DGKB: variants seen among roughly 807,000 people sequenced by gnomAD.
DGKB encodes the protein diacylglycerol kinase beta.
Under a neutral mutation model 114.3 loss-of-function variants are expected in DGKB, and 67 were observed. The observed-to-expected ratio is 0.59, with a 90% confidence interval of 0.48 to 0.72. DGKB has a LOEUF of 0.72. Ranked by LOEUF, DGKB falls within the 30% of genes least tolerant of loss-of-function variation. The pLI is 0.00. For synonymous variants in DGKB, 398 were observed against 323.1 expected (o/e 1.23, Z -2.49); for missense variants, 907 against 975.2 (o/e 0.93, Z 0.93).
At position 14,392,989 on chromosome 7, in the gene DGKB, G is replaced by GTTTTTTTTTT. The variant is rs776845811; in HGVS notation, c.1836-47599_1836-47598insAAAAAAAAAA. Among the ~76,000 whole-genome samples the GTTTTTTTTTT allele has an allele frequency of 4.9e-3, 50 of 10,162 alleles. 1 individual carries two copies. Among genetic ancestry groups the GTTTTTTTTTT allele is most frequent in the Non-Finnish European group, 8.8e-3 (18 of 2,046 alleles). 6.7% of individuals were successfully genotyped at this position (10,162 alleles called of 152,430 possible). On this transcript the variant is annotated intron_variant, in intron 21 of 25. Transcript: ENST00000402815. Reference sequence around the variant, plus strand: ...GAGGGCCAAAACAGACCTGTTTTTTGTTTTTGTTTTTTTTTTTTTGAGACG... The same window carrying GTTTTTTTTTT: ...GAGGGCCAAAACAGACCTGTTTTTTGTTTTTTTTTTTTTTTGTTTTTTTTTTTTTGAGACG...
At chr7:14,177,976 T>C in intron 24 of DGKB, 55 bp downstream of exon 24, 1 of 1,474,976 alleles carries the variant, frequency 6.8e-7, no homozygotes, top group Non-Finnish European at 9.0e-7. Flanking sequence ...TACTTTTAAT[T>C]AGTTTGAGGC....
At chr7:14,373,855 T>C (rs1818067751) in intron 21 of DGKB, among the ~76,000 whole-genome samples, 1 of 152,170 alleles carries the variant, frequency 6.6e-6, no homozygotes, top group Admixed American at 6.5e-5. Context: ...TTTTCATTTT[T>C]CATTTTTTCA....
At chr7:14,720,333 C>T (rs1225594844) in intron 5 of DGKB, among the ~76,000 whole-genome samples, 22 of 151,902 alleles carry the variant, frequency 1.4e-4, no homozygotes, top group Admixed American at 1.2e-3. Context: ...GATGGAGTCT[C>T]GCTCTGTAAC....
intron 20 of DGKB, among the ~76,000 whole-genome samples, chr7:14,567,465 ATTTATAT>A (rs1159522427): frequency 1.4e-5 from 1 of 72,818 alleles, no homozygotes; most frequent in African/African-American, 5.8e-5. Flanking sequence ...ATAATTATAT[ATTTATAT>A]ATTATATATA....
At chr7:14,180,577 AAT>A (rs1338487345) in intron 23 of DGKB, among the ~76,000 whole-genome samples, 1 of 152,208 alleles carries the variant, frequency 6.6e-6, no homozygotes, top group African/African-American at 2.4e-5. Context: ...AAGGCAAATA[AAT>A]ACCATACTCC....
At chr7:14,268,658 G>A (rs1310479449) in intron 23 of DGKB, among the ~76,000 whole-genome samples, 4 of 152,008 alleles carry the variant, frequency 2.6e-5, no homozygotes, top group East Asian at 3.9e-4. Context: ...ATTCAGTTTC[G>A]GGGAAATTTT....
intron 1 of DGKB, among the ~76,000 whole-genome samples, chr7:14,860,603 G>C (rs1299632963): frequency 6.6e-6 from 1 of 151,944 alleles, no homozygotes; most frequent in Non-Finnish European, 1.5e-5. Context: ...TAAATCCTAA[G>C]AGACGAGTAT....
intron 23 of DGKB, among the ~76,000 whole-genome samples, chr7:14,263,743 C>T (rs1200382936): frequency 6.6e-6 from 1 of 151,384 alleles, no homozygotes; most frequent in Non-Finnish European, 1.5e-5. Flanking sequence ...GAGAACTCCA[C>T]TGTCCTAAGA....
chr7:14,367,788 C>T (rs1313831207), intron 21 of DGKB, among the ~76,000 whole-genome samples: 1 of 151,924 alleles, frequency 6.6e-6, no homozygotes, highest in Non-Finnish European at 1.5e-5. Context: ...GCACCTTTGT[C>T]ACAGGGTGGC....
chr7:14,491,175 C>T (rs1478298803), intron 20 of DGKB, among the ~76,000 whole-genome samples: 2 of 151,892 alleles, frequency 1.3e-5, no homozygotes, highest in Non-Finnish European at 2.9e-5. Context: ...CCCATAATTC[C>T]CATGTGTTAT....
intron 20 of DGKB, 93 bp from the exon 21 acceptor site, chr7:14,478,318 A>G (rs1465767538): frequency 5.2e-6 from 4 of 763,422 alleles, no homozygotes; most frequent in Non-Finnish European, 7.9e-6. Flanking sequence ...ACATTTCAAA[A>G]TGAACTTTTA....
chr7:14,494,659 C>T (rs922994870), intron 20 of DGKB, among the ~76,000 whole-genome samples: 7 of 151,888 alleles, frequency 4.6e-5, no homozygotes, highest in African/African-American at 1.7e-4. Flanking sequence ...CAGGCAAAAA[C>T]ATCACTCATT....
intron 2 of DGKB, among the ~76,000 whole-genome samples, chr7:14,831,039 A>G (rs1471151896): frequency 2.0e-5 from 3 of 151,948 alleles, no homozygotes; most frequent in Non-Finnish European, 4.4e-5. Context: ...AAACACAGCA[A>G]TTACGTGAAT....
chr7:14,299,870 A>AAAGT (rs144255559), intron 23 of DGKB, among the ~76,000 whole-genome samples: 1,857 of 152,096 alleles, frequency 0.012, 38 homozygotes, highest in African/African-American at 0.042. Flanking sequence ...TATTTCTCTG[A>AAAGT]AAGTTATTCA....
intron 20 of DGKB, among the ~76,000 whole-genome samples, chr7:14,532,033 C>T (rs376773392): frequency 1.3e-5 from 2 of 151,120 alleles, no homozygotes; most frequent in African/African-American, 4.8e-5. Context: ...ATGAATCCTA[C>T]ATCCAAATAA....
At chr7:14,649,293 T>A (rs1331998783) in intron 13 of DGKB, among the ~76,000 whole-genome samples, 1 of 151,544 alleles carries the variant, frequency 6.6e-6, no homozygotes, top group African/African-American at 2.4e-5. Flanking sequence ...TAACAGCGGA[T>A]CTCTCGGCAG....
intron 1 of DGKB, among the ~76,000 whole-genome samples, chr7:14,949,605 T>G (rs948644171): frequency 5.3e-4 from 80 of 152,070 alleles, no homozygotes; most frequent in Middle Eastern, 3.4e-3. Flanking sequence ...TAATAATACC[T>G]GAACACTTAC....
intron 20 of DGKB, among the ~76,000 whole-genome samples, chr7:14,499,019 C>T (rs1785719420): frequency 6.6e-6 from 1 of 151,612 alleles, no homozygotes; most frequent in South Asian, 2.1e-4. Context: ...GTTTAGTCCT[C>T]TGAATTAAAA....
At chr7:14,794,439 A>T (rs1841117618) in intron 2 of DGKB, among the ~76,000 whole-genome samples, 1 of 152,186 alleles carries the variant, frequency 6.6e-6, no homozygotes, top group Non-Finnish European at 1.5e-5. Flanking sequence ...AATACTTTTG[A>T]AGATTTTCAG....
Sources: gnomAD v4.1 joint callset for allele counts (sites outside exome capture counted in the v4.1 genomes callset) on GRCh38, gnomAD v4.1.1 for gene constraint, MANE v1.5 for transcripts, NCBI Gene and HGNC (gene_info 2026-07-23, HGNC 2026-07-21) for gene names.